ANXA6: variants seen among roughly 807,000 people sequenced by gnomAD.
ANXA6 encodes the protein annexin A6, also known as 67 kDa calelectrin.
In ANXA6, 71 loss-of-function variants were observed where a neutral mutation model predicts 95.4. The ratio of observed to expected loss-of-function variants is 0.74; its 90% CI spans 0.61 to 0.91. The LOEUF is 0.91. Among genes scored for constraint, ANXA6 ranks in the 40% least tolerant of loss-of-function variants. The pLI, the probability that ANXA6 is intolerant of heterozygous loss-of-function variation, is 0.00. For missense variants in ANXA6, 830 were observed against 876.4 expected (o/e 0.95, Z 0.67); for synonymous variants, 289 against 315.9 (o/e 0.91, Z 0.90).
intron 5 of ANXA6, 85 bp downstream of exon 5, chr5:151,138,593 G>T: frequency 1.1e-6 from 1 of 910,142 alleles, no homozygotes. Flanking sequence ...TGGGTATGGG[G>T]CTCACCAGTT....
intron 18 of ANXA6, among the ~76,000 whole-genome samples, chr5:151,118,748 T>G (rs1488855321): frequency 2.0e-5 from 3 of 151,902 alleles, no homozygotes; most frequent in Non-Finnish European, 4.4e-5. Context: ...TTATATTTTT[T>G]GTAGAGACGG....
chr5:151,128,869 C>T (rs1765406426), intron 12 of ANXA6, among the ~76,000 whole-genome samples: 1 of 152,002 alleles, frequency 6.6e-6, no homozygotes, highest in South Asian at 2.1e-4. Flanking sequence ...AAAAAAATTA[C>T]CCTTTGGAAA....
intron 10 of ANXA6, 66 bp downstream of exon 10, chr5:151,132,410 C>T: frequency 1.6e-6 from 2 of 1,212,970 alleles, no homozygotes; most frequent in Non-Finnish European, 2.4e-6. Flanking sequence ...CATTCTCAGC[C>T]CCTTGTTCCT....
chr5:151,133,171 C>A lies in ANXA6; in HGVS notation c.563G>T (p.Gly188Val). Residue 188 changes from glycine (G) to valine (V), a missense_variant, in exon 9 of 26, where the codon GGG becomes GTG. Physicochemically the swap from Gly to Val is moderately radical, Grantham distance 109. Transcript: ENST00000354546. ...TTCATCTGTTCCCCATTTCAGTTCC[C>A]CTGCCTCGTATAGGTCCTGAAGGGG... ...QQDVQDLYEA[G>V]ELKWGTDEAQ... is the part of the protein sequence containing the mutation. 6.3e-7 allele frequency: 1 copy of A among 1,590,236 alleles called. No homozygotes were observed. The highest frequency in any genetic ancestry group is 2.3e-5 in the East Asian group (1 of 44,058).
At chr5:151,117,666 C>T (rs949544514) in intron 19 of ANXA6, 92 bp downstream of exon 19, 3 of 1,132,270 alleles carry the variant, frequency 2.6e-6, no homozygotes, top group Non-Finnish European at 3.9e-6. Context: ...GAGTGCACTT[C>T]TAACTCCCCT....
chr5:151,112,449 T>C (rs1322192990), intron 20 of ANXA6, among the ~76,000 whole-genome samples: 1 of 152,256 alleles, frequency 6.6e-6, no homozygotes, highest in Non-Finnish European at 1.5e-5. Flanking sequence ...AAAGATATTA[T>C]TTCATTTTAA....
Position 151,105,242 on chromosome 5 carries a change from T to G in ANXA6, c.1839+3A>C. Reference sequence around the variant, plus strand: ...GGAAAGGAACGCCAGCATGTTTTCTTACCTTCATGGATTTGTAAAGTTTGT... The same window carrying G: ...GGAAAGGAACGCCAGCATGTTTTCTGACCTTCATGGATTTGTAAAGTTTGT... On this transcript the variant is annotated splice_donor_region_variant and intron_variant, in intron 24 of 25. Coordinates refer to ENST00000354546, the MANE Select transcript of ANXA6 (RefSeq NM_001155.5). The G allele has an allele frequency of 6.2e-7, 1 of 1,613,702 alleles. No homozygotes were observed. Among genetic ancestry groups the G allele is most frequent in the Non-Finnish European group, 8.5e-7 (1 of 1,179,612 alleles).
chr5:151,126,454 G>T lies in ANXA6; in HGVS notation c.1004C>A (p.Ala335Glu). ...DDAAGQFFPEAAQVAYQMWEL... is the reference protein window; with the variant it reads ...DDAAGQFFPEEAQVAYQMWEL... ...CCACATCTGATAGGCCACCTGCGCTGCCTCCGGGAAGAACTGGCCAGCAGC... is the reference window on the plus strand; with the variant it reads ...CCACATCTGATAGGCCACCTGCGCTTCCTCCGGGAAGAACTGGCCAGCAGC... The change falls in exon 14 of 26, where the codon GCA becomes GAA. Residue 335 changes from alanine (A) to glutamate (E), a missense_variant. Physicochemically the swap from Ala to Glu is moderately radical, Grantham distance 107. Transcript: ENST00000354546. 5 of 1,610,634 alleles carry T rather than the reference G, an allele frequency of 3.1e-6. No homozygotes were observed. The highest frequency in any genetic ancestry group is 4.2e-6 in the Non-Finnish European group (5 of 1,178,516).
chr5:151,138,859 C>G, intron 4 of ANXA6, 68 bp from the exon 5 acceptor site: 1 of 1,095,798 alleles, frequency 9.1e-7, no homozygotes, highest in Non-Finnish European at 1.4e-6. Flanking sequence ...GTAAGAATTA[C>G]ACTTAATGAG....
chr5:151,133,155 T>A lies in ANXA6; in HGVS notation c.579A>T (p.Gly193=). 1.9e-6 allele frequency: 3 copies of A among 1,597,216 alleles called. No individual in the cohort carries two copies. The highest frequency in any genetic ancestry group is 2.6e-6 in the Non-Finnish European group (3 of 1,171,490). ...TGTAAATGAACTGGGCTTCATCTGT[T>A]CCCCATTTCAGTTCCCCTGCCTCGT... ...DLYEAGELKW[G]TDEAQFIYIL... Residue 193 remains glycine, a synonymous_variant, in exon 9 of 26, where the codon GGA becomes GGT. Transcript: ENST00000354546.
chr5:151,122,919 G>C lies in ANXA6; in HGVS notation c.1231C>G (p.Arg411Gly). 1 of 1,613,790 alleles carries C rather than the reference G, an allele frequency of 6.2e-7. No individual in the cohort carries two copies. Among genetic ancestry groups the C allele is most frequent in the Non-Finnish European group, 8.5e-7 (1 of 1,179,790 alleles). ...AGAGCCCAGGAGGAGGTCCTTACCC[G>C]GCCAAAGTGAGACTTGAAGGTCTGC... ...IRQTFKSHFG[R>G]DLMTDLKSEI... Residue 411 changes from arginine (R) to glycine (G), a missense_variant and splice_region_variant, in exon 16 of 26, where the codon CGG becomes GGG. By Grantham distance (125) the Arg-to-Gly change is moderately radical. Transcript: ENST00000354546.
chr5:151,119,437 T>C (rs748314388), intron 17 of ANXA6, 47 bp from the exon 18 acceptor site: 1 of 1,535,050 alleles, frequency 6.5e-7, no homozygotes, highest in South Asian at 1.1e-5. Flanking sequence ...TCTGACCTCC[T>C]GTGCAGAGGT....
Position 151,132,863 on chromosome 5 carries a change from G to T in ANXA6, c.640+231C>A, listed in dbSNP as rs146709238. On this transcript the variant is annotated intron_variant, in intron 9 of 25. Coordinates refer to ENST00000354546, the MANE Select transcript of ANXA6 (RefSeq NM_001155.5). ...ACTTTGCTGAGGGACTATACAAACT[G>T]CTGTCTGATATTAGGTTGGTGCAAA... is the stretch of plus-strand genomic sequence containing the variant. 1.5e-4 allele frequency among the ~76,000 whole-genome samples: 22 copies of T among 151,702 alleles called. No individual in the cohort carries two copies. In the East Asian group the frequency reaches 3.9e-3, roughly 27 times the overall value.
At chr5:151,144,500 G>A (rs1183086637) in intron 2 of ANXA6, among the ~76,000 whole-genome samples, 1 of 152,142 alleles carries the variant, frequency 6.6e-6, no homozygotes, top group East Asian at 1.9e-4. Context: ...TAAAGTCATG[G>A]GATTGTAAGC....
At chr5:151,112,772 C>T (rs1764887864) in intron 20 of ANXA6, among the ~76,000 whole-genome samples, 1 of 152,132 alleles carries the variant, frequency 6.6e-6, no homozygotes, top group Admixed American at 6.6e-5. Flanking sequence ...TGCAGTGAGC[C>T]AAGATTGTGC....
chr5:151,138,049 T>G (rs1047152597), intron 5 of ANXA6, among the ~76,000 whole-genome samples: 3 of 152,222 alleles, frequency 2.0e-5, no homozygotes, highest in Admixed American at 2.0e-4. Context: ...AATCTCACAT[T>G]GCTAAGTGCA....
intron 20 of ANXA6, among the ~76,000 whole-genome samples, chr5:151,111,602 T>A (rs1175468469): frequency 6.6e-6 from 1 of 152,232 alleles, no homozygotes; most frequent in African/African-American, 2.4e-5. Context: ...TCTTTTTAAT[T>A]TTTGGAGACA....
intron 23 of ANXA6, 35 bp from the exon 24 acceptor site, chr5:151,105,338 G>A (rs757068455): frequency 2.5e-6 from 4 of 1,605,228 alleles, no homozygotes; most frequent in Non-Finnish European, 2.6e-6. Context: ...GGGGAACGTG[G>A]TCAGAGGCTG....
At chr5:151,147,176 C>T (rs1582018594) in intron 2 of ANXA6, among the ~76,000 whole-genome samples, 1 of 152,156 alleles carries the variant, frequency 6.6e-6, no homozygotes, top group Non-Finnish European at 1.5e-5. Context: ...AATTCTATTG[C>T]CCGGCAGAAC....
Sources: gnomAD v4.1 joint callset for allele counts (sites outside exome capture counted in the v4.1 genomes callset) on GRCh38, gnomAD v4.1.1 for gene constraint, MANE v1.5 for transcripts, NCBI Gene and HGNC (gene_info 2026-07-23, HGNC 2026-07-21) for gene names.